The following COL17A1 variants were observed in gnomAD, a reference collection of about 807,000 sequenced individuals.
The protein encoded by COL17A1 is collagen alpha-1(XVII) chain.
In COL17A1, 181 loss-of-function variants were observed where a neutral mutation model predicts 218.4. That is an observed-to-expected ratio of 0.83 (90% CI 0.73 to 0.94). The LOEUF (loss-of-function observed/expected upper bound fraction) is 0.94. Ranked by LOEUF, COL17A1 falls within the 40% of genes least tolerant of loss-of-function variation. The probability of loss-of-function intolerance (pLI) is 0.00; values close to 1 mark genes in which losing one functional copy is unlikely to be tolerated. For missense variants in COL17A1, 1,924 were observed against 1,945.9 expected (o/e 0.99, Z 0.21); for synonymous variants, 721 against 731.0 (o/e 0.99, Z 0.22).
In COL17A1 at chr10:104,060,252, G is replaced by T; in HGVS notation, c.1008C>A (p.Asp336Glu). 1 of 1,614,176 alleles carries T rather than the reference G, an allele frequency of 6.2e-7. No homozygotes were observed. The highest frequency in any genetic ancestry group is 8.5e-7 in the Non-Finnish European group (1 of 1,180,030). The change falls in exon 14 of 56, where the codon GAC becomes GAA. Residue 336 changes from aspartate (D) to glutamate (E), a missense_variant. Asp to Glu is a conservative substitution (Grantham distance 45). Coordinates refer to ENST00000648076, the MANE Select transcript of COL17A1 (RefSeq NM_000494.4). ...GGAACTTGCAGTCCTTGTGCAAAAGGTCATCGCTCTGCACACTTGTGGTGC... is the reference window on the plus strand; with the variant it reads ...GGAACTTGCAGTCCTTGTGCAAAAGTTCATCGCTCTGCACACTTGTGGTGC... The part of the protein sequence containing the change: ...AACTTSVQSD[D>E]LLHKDCKFLI...
chr10:104,046,514 C>T (rs1233979912), intron 32 of COL17A1, among the ~76,000 whole-genome samples: 1 of 152,170 alleles, frequency 6.6e-6, no homozygotes, highest in African/African-American at 2.4e-5. Context: ...AGGGCACAGG[C>T]AGACAGAATT....
In COL17A1 at chr10:104,034,648, G is replaced by T. The variant is rs144220426; in HGVS notation, c.3739C>A (p.Arg1247=). ...GTGAGGTAGCTGATCAGCTCGCTCCGGAAGCTGTCGCTGTTTTCAGCTGCA... is the reference window on the plus strand; with the variant it reads ...GTGAGGTAGCTGATCAGCTCGCTCCTGAAGCTGTCGCTGTTTTCAGCTGCA... The part of the protein sequence containing the change: ...TYAAENSDSF[R]SELISYLTSP... The change falls in exon 51 of 56, where the codon CGG becomes AGG. Residue 1247 remains arginine, a synonymous_variant. Transcript: ENST00000648076. 3 of 1,610,192 alleles carry T rather than the reference G, an allele frequency of 1.9e-6. No homozygotes were observed. The highest frequency in any genetic ancestry group is 1.1e-5 in the South Asian group (1 of 89,900).
intron 37 of COL17A1, 68 bp downstream of exon 37, chr10:104,041,417 C>T: frequency 6.2e-7 from 1 of 1,602,458 alleles, no homozygotes. Flanking sequence ...TCTTGGCTTC[C>T]TCACTAAGTG....
chr10:104,036,859 C>G (rs991028294), intron 47 of COL17A1, among the ~76,000 whole-genome samples, 186 bp downstream of exon 47: 3 of 152,138 alleles, frequency 2.0e-5, no homozygotes, highest in African/African-American at 7.2e-5. Context: ...ACATTTCCTG[C>G]CCCCTTTCCA....
At chr10:104,078,243 C>T (rs1049506409) in intron 3 of COL17A1, among the ~76,000 whole-genome samples, 1 of 152,060 alleles carries the variant, frequency 6.6e-6, no homozygotes, top group African/African-American at 2.4e-5. Flanking sequence ...TTGTGGTTTC[C>T]AGGGGCTGAG....
At chr10:104,080,808 C>T (rs565337215) in intron 1 of COL17A1, 124 bp from the exon 2 acceptor site, 15 of 1,028,714 alleles carry the variant, frequency 1.5e-5, no homozygotes, top group African/African-American at 1.4e-4. Flanking sequence ...AATTCTTTCA[C>T]GTGAATATTT....
intron 15 of COL17A1, 103 bp downstream of exon 15, chr10:104,059,535 C>T: frequency 9.7e-7 from 1 of 1,033,852 alleles, no homozygotes; most frequent in Non-Finnish European, 1.5e-6. Context: ...GCTGATGCTG[C>T]TGGCCCGTGG....
At position 104,047,733 on chromosome 10, in the gene COL17A1, T is replaced by C; in HGVS notation, c.2335+6A>G. 6.2e-7 allele frequency: 1 copy of C among 1,613,348 alleles called. No individual in the cohort carries two copies. The highest frequency in any genetic ancestry group is 8.5e-7 in the Non-Finnish European group (1 of 1,179,312). Reference sequence around the variant, plus strand: ...GGGCCATGGCTCCCTCTTCCTGCTCTGTTACCTGGCTTTCCTGGGTCTCCA... The same window carrying C: ...GGGCCATGGCTCCCTCTTCCTGCTCCGTTACCTGGCTTTCCTGGGTCTCCA... On this transcript the variant is annotated splice_donor_region_variant and intron_variant, in intron 31 of 55. Transcript: ENST00000648076.
At chr10:104,071,506 G>C (rs1291359228) in intron 8 of COL17A1, among the ~76,000 whole-genome samples, 3 of 152,214 alleles carry the variant, frequency 2.0e-5, no homozygotes, top group Non-Finnish European at 4.4e-5. Flanking sequence ...CATCGACAGA[G>C]ACTGGGGGGT....
At chr10:104,045,876 C>T (rs1279636888) in intron 32 of COL17A1, 83 bp from the exon 33 acceptor site, 2 of 1,096,576 alleles carry the variant, frequency 1.8e-6, no homozygotes, top group Admixed American at 1.7e-5. Flanking sequence ...TGCTCCGTCA[C>T]TCAGCACAGC....
intron 33 of COL17A1, 143 bp downstream of exon 33, chr10:104,045,615 C>T: frequency 1.3e-6 from 1 of 777,462 alleles, no homozygotes; most frequent in Non-Finnish European, 2.3e-6. Context: ...CCTGGGCTCC[C>T]AGCCTCATAG....
At chr10:104,035,590 G>C in intron 48 of COL17A1, 27 bp from the exon 49 acceptor site, 1 of 1,571,050 alleles carries the variant, frequency 6.4e-7, no homozygotes, top group Non-Finnish European at 8.7e-7. Context: ...TTCAGATCAG[G>C]CAGGGGGAGG....
chr10:104,042,345 G>A (rs1320292696), intron 36 of COL17A1, 75 bp downstream of exon 36: 11 of 1,479,824 alleles, frequency 7.4e-6, no homozygotes, highest in Non-Finnish European at 9.4e-6. Flanking sequence ...AGAACAGAGA[G>A]GCCCATGTCC....
chr10:104,061,543 C>G, intron 12 of COL17A1, 70 bp from the exon 13 acceptor site: 1 of 1,385,366 alleles, frequency 7.2e-7, no homozygotes, highest in Admixed American at 1.9e-5. Flanking sequence ...CTGATCAGCC[C>G]TGGCAGAGAG....
Position 104,064,426 on chromosome 10 carries a change from C to G in COL17A1, c.766+12G>C. 6.2e-7 allele frequency: 1 copy of G among 1,613,928 alleles called. No individual in the cohort carries two copies. The highest frequency in any genetic ancestry group is 8.5e-7 in the Non-Finnish European group (1 of 1,179,978). ...CAGGGGTGAGAGAGGGTGTGGGCTG[C>G]CCGCCAGGTACCTGATCCCGCAGAG... On this transcript the variant is annotated intron_variant, in intron 10 of 55. Transcript: ENST00000648076.
rs748435765 is a variant in COL17A1 at position 104,032,764 on chromosome 10, A to G, written c.4358-10T>C. 7 of 1,614,088 alleles carry G rather than the reference A, an allele frequency of 4.3e-6. No homozygotes were observed. The East Asian group carries it at 1.6e-4, about 36-fold the overall frequency. ...GCAGGGCCCCTGTCACCTGGAAGGA[A>G]AAATGGGGCGTAACTAAGTAATACA... On this transcript the variant is annotated splice_polypyrimidine_tract_variant and intron_variant, in intron 54 of 55. Transcript: ENST00000648076.
intron 11 of COL17A1, 43 bp downstream of exon 11, chr10:104,063,704 T>C: frequency 1.9e-6 from 3 of 1,613,418 alleles, no homozygotes; most frequent in Non-Finnish European, 2.5e-6. Flanking sequence ...AACACTTCTA[T>C]GCAAATAGCC....
intron 48 of COL17A1, among the ~76,000 whole-genome samples, chr10:104,036,181 G>GGT (rs1564671509): frequency 2.6e-3 from 1 of 382 alleles, no homozygotes; most frequent in African/African-American, 0.01. Flanking sequence ...TGTGTGTATG[G>GGT]AAGTGAGTGT....
chr10:104,053,345 C>T (rs2086489248), intron 22 of COL17A1, among the ~76,000 whole-genome samples: 1 of 152,168 alleles, frequency 6.6e-6, no homozygotes, highest in African/African-American at 2.4e-5. Flanking sequence ...CTGCCCCAAA[C>T]CTGCACATGG....
Sources: gnomAD v4.1 joint callset for allele counts (sites outside exome capture counted in the v4.1 genomes callset) on GRCh38, gnomAD v4.1.1 for gene constraint, MANE v1.5 for transcripts, NCBI Gene and HGNC (gene_info 2026-07-23, HGNC 2026-07-21) for gene names.